The following PLEKHA7 variants were observed in gnomAD, a reference collection of about 807,000 sequenced individuals.
The protein encoded by PLEKHA7 is pleckstrin homology domain-containing family A member 7.
PLEKHA7 carries 104 observed loss-of-function variants against 170.0 expected under a neutral mutation model. The ratio of observed to expected loss-of-function variants is 0.61; its 90% confidence interval spans 0.52 to 0.72. PLEKHA7 has a LOEUF of 0.72. PLEKHA7 is among the 30% of genes least tolerant of loss of function. The pLI is 0.00. For missense variants in PLEKHA7, 1,615 were observed against 1,671.7 expected (o/e 0.97, Z 0.59); for synonymous variants, 648 against 660.8 (o/e 0.98, Z 0.30).
At chr11:16,864,333 C>T (rs772462735) in intron 4 of PLEKHA7, among the ~76,000 whole-genome samples, 1 of 152,040 alleles carries the variant, frequency 6.6e-6, no homozygotes, top group Non-Finnish European at 1.5e-5. Flanking sequence ...AGTAAGGGTG[C>T]TAAGTGTTAG....
At chr11:16,823,171 CA>C (rs1850377269) in intron 10 of PLEKHA7, among the ~76,000 whole-genome samples, 1 of 151,842 alleles carries the variant, frequency 6.6e-6, no homozygotes, top group Admixed American at 6.6e-5. Context: ...ATTTAAAAAA[CA>C]AAAAAATTTT....
intron 4 of PLEKHA7, among the ~76,000 whole-genome samples, chr11:16,870,675 G>T (rs923284904): frequency 8.7e-5 from 13 of 149,698 alleles, no homozygotes; most frequent in Middle Eastern, 3.4e-3. Context: ...ATGGGGTCTT[G>T]TTAGCCTTGA....
intron 17 of PLEKHA7, among the ~76,000 whole-genome samples, chr11:16,799,122 T>C (rs1213307179): frequency 3.9e-5 from 6 of 152,198 alleles, no homozygotes; most frequent in African/African-American, 1.2e-4. Flanking sequence ...GAGGAATACA[T>C]TTTGAATTTC....
chr11:16,855,852 G>A lies in PLEKHA7; in HGVS notation c.368C>T (p.Thr123Ile), dbSNP rs367885889. 8.1e-5 allele frequency: 131 copies of A among 1,614,054 alleles called. No individual in the cohort carries two copies. Among genetic ancestry groups the A allele is most frequent in the Non-Finnish European group, 1.1e-4 (125 of 1,180,022 alleles). ...NQRPSSMVSETSTAGTASTLE... is the reference protein window; with the variant it reads ...NQRPSSMVSEISTAGTASTLE... ...GGTGGAGGCGGTCCCAGCCGTGGAT[G>A]TTTCACTGACCATGCTGGACGGTCT... The change falls in exon 5 of 27, where the codon ACA (threonine) becomes ATA (isoleucine). Residue 123 changes from threonine (T) to isoleucine (I), a missense_variant. By Grantham distance (89) the Thr-to-Ile change is moderately conservative. Transcript: ENST00000531066.
chr11:16,912,393 T>C (rs997479551), intron 3 of PLEKHA7, among the ~76,000 whole-genome samples: 2 of 152,204 alleles, frequency 1.3e-5, no homozygotes, highest in African/African-American at 4.8e-5. Context: ...AAAGAGAATT[T>C]GGTATAACTA....
chr11:16,845,814 G>C (rs561255721), intron 8 of PLEKHA7, among the ~76,000 whole-genome samples: 1 of 152,294 alleles, frequency 6.6e-6, no homozygotes, highest in South Asian at 2.1e-4. Flanking sequence ...ACAGGTGAGA[G>C]AGAGATGGTG....
chr11:17,002,932 A>G (rs1864757592), intron 3 of PLEKHA7, among the ~76,000 whole-genome samples: 1 of 149,194 alleles, frequency 6.7e-6, no homozygotes, highest in Non-Finnish European at 1.5e-5. Flanking sequence ...AGAGCAAATA[A>G]CCTCAGTGTG....
At chr11:16,907,739 G>C (rs1365222754) in intron 3 of PLEKHA7, among the ~76,000 whole-genome samples, 1 of 142,914 alleles carries the variant, frequency 7.0e-6, no homozygotes, top group African/African-American at 2.6e-5. Flanking sequence ...CCCTCTGCCC[G>C]GCCACCACCC....
At chr11:16,946,314 C>T (rs146109103) in intron 3 of PLEKHA7, among the ~76,000 whole-genome samples, 346 of 152,282 alleles carry the variant, frequency 2.3e-3, no homozygotes, top group Non-Finnish European at 3.7e-3. Context: ...GATAACCTGC[C>T]CTAAAGAGGA....
intron 9 of PLEKHA7, among the ~76,000 whole-genome samples, chr11:16,831,274 T>C (rs1851083627): frequency 6.6e-6 from 1 of 152,188 alleles, no homozygotes; most frequent in South Asian, 2.1e-4. Flanking sequence ...AGTTATGGAA[T>C]TTAAGGTCAA....
At chr11:17,010,244 C>G (rs1260683002) in intron 3 of PLEKHA7, among the ~76,000 whole-genome samples, 1 of 151,972 alleles carries the variant, frequency 6.6e-6, no homozygotes, top group Non-Finnish European at 1.5e-5. Context: ...AAAAATTAGC[C>G]AGTCATGGTT....
intron 4 of PLEKHA7, among the ~76,000 whole-genome samples, chr11:16,859,331 T>C (rs1290036359): frequency 1.3e-5 from 2 of 152,234 alleles, no homozygotes; most frequent in Admixed American, 1.3e-4. Flanking sequence ...AGGATGACTA[T>C]GACTTTTGGA....
intron 9 of PLEKHA7, among the ~76,000 whole-genome samples, chr11:16,833,104 C>T (rs1391406537): frequency 1.3e-5 from 2 of 152,112 alleles, no homozygotes; most frequent in Admixed American, 6.6e-5. Flanking sequence ...TCTTCTTTTC[C>T]CCAGAGTTAA....
intron 3 of PLEKHA7, among the ~76,000 whole-genome samples, chr11:16,909,032 C>T (rs1477114107): frequency 4.6e-5 from 7 of 152,124 alleles, no homozygotes; most frequent in African/African-American, 1.4e-4. Context: ...TACTCTGTGA[C>T]CTTAACCTGT....
chr11:17,002,143 C>A (rs564897606), intron 3 of PLEKHA7, among the ~76,000 whole-genome samples: 26 of 152,316 alleles, frequency 1.7e-4, no homozygotes, highest in African/African-American at 6.3e-4. Flanking sequence ...TTCTACCCTG[C>A]CTTTCTGAGG....
chr11:16,813,254 G>T, intron 12 of PLEKHA7, 88 bp from the exon 13 acceptor site: 1 of 1,179,630 alleles, frequency 8.5e-7, no homozygotes, highest in Non-Finnish European at 1.2e-6. Context: ...TATTTACATC[G>T]TGCAGCTTTG....
At chr11:16,783,572 G>C in intron 25 of PLEKHA7, 128 bp downstream of exon 25, 1 of 1,073,802 alleles carries the variant, frequency 9.3e-7, no homozygotes, top group Non-Finnish European at 1.2e-6. Flanking sequence ...CCTCCAATGA[G>C]TAGGGCTTAC....
chr11:16,871,074 A>G, intron 4 of PLEKHA7, 25 bp downstream of exon 4: 1 of 1,529,314 alleles, frequency 6.5e-7, no homozygotes, highest in Non-Finnish European at 9.1e-7. Context: ...CTGCCCAGAT[A>G]AGGAGAATAC....
At chr11:16,931,540 T>C (rs937492626) in intron 3 of PLEKHA7, among the ~76,000 whole-genome samples, 13 of 151,924 alleles carry the variant, frequency 8.6e-5, no homozygotes, top group Non-Finnish European at 4.4e-5. Context: ...CTGGCCAACA[T>C]GGCAAAATCC....
Sources: allele counts gnomAD v4.1 joint callset (sites outside exome capture counted in the v4.1 genomes callset), GRCh38; gene constraint gnomAD v4.1.1; transcripts MANE v1.5; gene names NCBI Gene and HGNC (gene_info 2026-07-23, HGNC 2026-07-21).